The following ZMAT1 variants were observed in gnomAD, a reference collection of about 807,000 sequenced individuals.
ZMAT1 encodes the protein zinc finger matrin-type protein 1.
In ZMAT1, 11 loss-of-function variants were observed where a neutral mutation model predicts 18.5. The ratio of observed to expected loss-of-function variants is 0.59; its 90% CI spans 0.37 to 0.98. The LOEUF (loss-of-function observed/expected upper bound fraction) is 0.98. Ranked by LOEUF, ZMAT1 falls within the 50% of genes least tolerant of loss-of-function variation. ZMAT1 has a pLI of 0.01. For synonymous variants in ZMAT1, 211 were observed against 176.4 expected, an observed-to-expected ratio of 1.20 and a Z score of -1.55; for missense variants, 525 against 496.2, an observed-to-expected ratio of 1.06 and a Z score of -0.55.
chrX:101,917,828 A>G (rs1929437695), intron 1 of ZMAT1, among the ~76,000 whole-genome samples: 1 of 112,918 alleles, frequency 8.9e-6, no homozygotes, highest in South Asian at 3.6e-4. Flanking sequence ...AATGTGGTAC[A>G]TATACACAAT....
chrX:101,890,253 C>T (rs1389425864), intron 4 of ZMAT1: 1 of 111,815 alleles, frequency 8.9e-6, no homozygotes, highest in Non-Finnish European at 1.9e-5. Flanking sequence ...AAGGATACTG[C>T]AGAATAAAAT....
At chrX:101,907,755 G>C (rs774045017) in intron 1 of ZMAT1, among the ~76,000 whole-genome samples, 1 of 111,928 alleles carries the variant, frequency 8.9e-6, no homozygotes, top group East Asian at 2.8e-4. Flanking sequence ...AAATTCTGGA[G>C]CTTAAAAATA....
In ZMAT1 at chrX:101,919,778, G is replaced by A. The variant is rs1477874775; in HGVS notation, c.292+11939C>T. On this transcript the variant is annotated intron_variant, in intron 1 of 5. Coordinates refer to ENST00000651725, the MANE Select transcript of ZMAT1 (RefSeq NM_001394560.1). ...TTTCAGGGGAGGCAAGAGTATGAAG[G>A]ACAATAACGGAAAGCTTAGAATAAA... 1.5e-4 allele frequency among the ~76,000 whole-genome samples: 17 copies of A among 111,303 alleles called. 1 individual carries two copies. Among genetic ancestry groups the A allele is most frequent in the African/African-American group, 5.6e-4 (17 of 30,568 alleles).
chrX:101,904,872 G>A (rs1250527978), intron 1 of ZMAT1, among the ~76,000 whole-genome samples: 2 of 111,694 alleles, frequency 1.8e-5, no homozygotes, highest in African/African-American at 6.5e-5. Context: ...TTGAGCCCAG[G>A]AGGTCGAGGC....
intron 2 of ZMAT1, among the ~76,000 whole-genome samples, chrX:101,903,634 A>G (rs1007373186): frequency 3.6e-5 from 4 of 111,941 alleles, no homozygotes; most frequent in African/African-American, 6.5e-5. Context: ...AGAACACTGG[A>G]TATGAAATAA....
At chrX:101,919,324 C>T (rs974344994) in intron 1 of ZMAT1, among the ~76,000 whole-genome samples, 1 of 111,059 alleles carries the variant, frequency 9.0e-6, no homozygotes, top group African/African-American at 3.3e-5. Flanking sequence ...CCCTTTAGAC[C>T]TTAAGACAAA....
intron 4 of ZMAT1, among the ~76,000 whole-genome samples, chrX:101,896,505 A>G (rs1486957005): frequency 5.3e-5 from 6 of 112,314 alleles, no homozygotes; most frequent in Non-Finnish European, 9.4e-5. Context: ...TAGAGACTAA[A>G]TTTAAAAAAA....
intron 2 of ZMAT1, among the ~76,000 whole-genome samples, chrX:101,899,717 G>A (rs959410929): frequency 1.8e-5 from 2 of 112,391 alleles, no homozygotes; most frequent in African/African-American, 6.5e-5. Flanking sequence ...ATGGGCATTT[G>A]CGTTGGTTCC....
In ZMAT1 at chrX:101,912,533, T is replaced by TG. The variant is rs761859076; in HGVS notation, c.293-8204dup. Among the ~76,000 whole-genome samples the TG allele has an allele frequency of 2.7e-4, 30 of 111,388 alleles. 3 individuals are homozygous for TG. In the East Asian group the frequency reaches 2.8e-3, roughly 11 times the overall value. Reference sequence around the variant, plus strand: ...CATTATTGCACATTACATTTTTGGGTGGGGGGGAAGTGCTTATGAACGGTG... The same window carrying TG: ...CATTATTGCACATTACATTTTTGGGTGGGGGGGGAAGTGCTTATGAACGGTG... On this transcript the variant is annotated intron_variant, in intron 1 of 5. Coordinates refer to ENST00000651725, the MANE Select transcript of ZMAT1 (RefSeq NM_001394560.1).
intron 4 of ZMAT1, among the ~76,000 whole-genome samples, chrX:101,896,116 G>A (rs1042950539): frequency 9.0e-6 from 1 of 111,538 alleles, no homozygotes; most frequent in African/African-American, 3.3e-5. Flanking sequence ...GTAGTATTCT[G>A]TATTAGGCAT....
At chrX:101,889,781 C>T (rs895819671) in intron 4 of ZMAT1, 3 of 111,586 alleles carry the variant, frequency 2.7e-5, no homozygotes, top group African/African-American at 9.8e-5. Flanking sequence ...GAACGCTGGG[C>T]TTAATACCTA....
At chrX:101,906,998 C>A (rs1928663708) in intron 1 of ZMAT1, among the ~76,000 whole-genome samples, 1 of 111,717 alleles carries the variant, frequency 9.0e-6, no homozygotes, top group Non-Finnish European at 1.9e-5. Context: ...ACCACCCCTG[C>A]AGACTCAGGC....
chrX:101,929,413 TAGAG>T (rs67232360), intron 1 of ZMAT1, among the ~76,000 whole-genome samples: 36,123 of 92,351 alleles, frequency 0.39, 6,003 homozygotes, highest in Non-Finnish European at 0.44. Context: ...ATTCTATATA[TAGAG>T]AGAGATTATA....
intron 1 of ZMAT1, among the ~76,000 whole-genome samples, chrX:101,904,694 G>A (rs1928478090): frequency 9.0e-6 from 1 of 111,138 alleles, no homozygotes; most frequent in Admixed American, 9.6e-5. Flanking sequence ...TGTAATCCCA[G>A]CACTTTGGGA....
Position 101,884,319 on chromosome X carries a change from T to C in ZMAT1, c.1279A>G (p.Ile427Val), listed in dbSNP as rs1258669451. Residue 427 changes from isoleucine (I) to valine (V), a missense_variant, in exon 6 of 6, where the codon ATT becomes GTT. By Grantham distance (29) the Ile-to-Val change is conservative. Coordinates refer to ENST00000651725, the MANE Select transcript of ZMAT1 (RefSeq NM_001394560.1). ...ASQTYQRPYHISPVESQLPQW... is the reference protein window; with the variant it reads ...ASQTYQRPYHVSPVESQLPQW... Reference sequence around the variant, plus strand: ...GGTAACTGGCTTTCCACTGGTGAAATATGGTATGGTCGTTGGTAGGTCTGG... The same window carrying C: ...GGTAACTGGCTTTCCACTGGTGAAACATGGTATGGTCGTTGGTAGGTCTGG... The C allele has an allele frequency of 8.3e-7, 1 of 1,210,724 alleles. No individual in the cohort carries two copies. The highest frequency in any genetic ancestry group is 1.1e-6 in the Non-Finnish European group (1 of 895,188).
intron 4 of ZMAT1, among the ~76,000 whole-genome samples, chrX:101,890,757 T>A (rs1032372953): frequency 9.0e-6 from 1 of 111,083 alleles, no homozygotes; most frequent in Non-Finnish European, 1.9e-5. Flanking sequence ...CTGGAAGAGA[T>A]AATGTCTTAG....
intron 4 of ZMAT1, among the ~76,000 whole-genome samples, chrX:101,890,649 A>C (rs1303671198): frequency 9.0e-6 from 1 of 111,363 alleles, no homozygotes; most frequent in African/African-American, 3.3e-5. Context: ...AAAAAATTTC[A>C]GTCTCACTTG....
chrX:101,900,610 T>C (rs1413435494), intron 2 of ZMAT1, among the ~76,000 whole-genome samples: 1 of 111,437 alleles, frequency 9.0e-6, no homozygotes, highest in African/African-American at 3.3e-5. Flanking sequence ...TCAGTTGGCT[T>C]TAAGTATTAG....
chrX:101,918,723 TAAGGAAACAA>T (rs1157200919), intron 1 of ZMAT1: 3 of 111,668 alleles, frequency 2.7e-5, no homozygotes, highest in African/African-American at 6.5e-5. Flanking sequence ...CCATTTCTTT[TAAGGAAACAA>T]AAGGAAACTA....
Sources: allele counts gnomAD v4.1 joint callset (sites outside exome capture counted in the v4.1 genomes callset), GRCh38; gene constraint gnomAD v4.1.1; transcripts MANE v1.5; gene names NCBI Gene and HGNC (gene_info 2026-07-23, HGNC 2026-07-21).